Variants in CALCRL observed in about 807,000 individuals in gnomAD.
CALCRL encodes calcitonin gene-related peptide type 1 receptor.
CALCRL carries 27 observed loss-of-function variants against 60.4 expected under a neutral mutation model. That is an observed-to-expected ratio of 0.45 (90% CI 0.33 to 0.62). The LOEUF (loss-of-function observed/expected upper bound fraction) is 0.62, where lower values mean the gene tolerates loss of function less well. Among genes scored for constraint, CALCRL ranks in the 20% least tolerant of loss-of-function variants. The pLI is 0.03. For synonymous variants in CALCRL, 190 were observed against 182.6 expected (o/e 1.04, Z -0.33); for missense variants, 424 against 540.7 (o/e 0.78, Z 2.14).
At chr2:187,376,675 G>A (rs953998401) in intron 8 of CALCRL, among the ~76,000 whole-genome samples, 7 of 152,008 alleles carry the variant, frequency 4.6e-5, no homozygotes, top group Non-Finnish European at 7.4e-5. Context: ...TTAGGAAATT[G>A]GTGCAGGACT....
chr2:187,414,229 C>T (rs1339817036), intron 1 of CALCRL, among the ~76,000 whole-genome samples: 3 of 152,008 alleles, frequency 2.0e-5, no homozygotes, highest in South Asian at 4.1e-4. Flanking sequence ...CCGGAAGCTT[C>T]TGTCTATCAT....
chr2:187,417,839 CCA>C (rs1689683805), intron 1 of CALCRL, among the ~76,000 whole-genome samples: 1 of 152,042 alleles, frequency 6.6e-6, no homozygotes, highest in East Asian at 1.9e-4. Context: ...AACTATAAAA[CCA>C]CCACAGGAAA....
intron 1 of CALCRL, among the ~76,000 whole-genome samples, chr2:187,424,744 G>T (rs565886505): frequency 2.9e-4 from 44 of 151,954 alleles, no homozygotes; most frequent in African/African-American, 9.9e-4. Flanking sequence ...AATGAATTGT[G>T]GTATGGCCTG....
intron 1 of CALCRL, among the ~76,000 whole-genome samples, chr2:187,443,066 G>A (rs187301523): frequency 4.6e-5 from 7 of 151,824 alleles, no homozygotes; most frequent in Admixed American, 2.6e-4. Context: ...TAATATGCAG[G>A]TATTTTAAAG....
chr2:187,395,483 A>C (rs528625123), intron 1 of CALCRL, among the ~76,000 whole-genome samples: 1 of 152,102 alleles, frequency 6.6e-6, no homozygotes, highest in African/African-American at 2.4e-5. Context: ...CAAGGTCCCA[A>C]AATAAAAACA....
intron 1 of CALCRL, among the ~76,000 whole-genome samples, chr2:187,446,089 A>T (rs903618517): frequency 2.6e-5 from 4 of 151,802 alleles, no homozygotes; most frequent in South Asian, 4.1e-4. Flanking sequence ...CAGGTAAAAC[A>T]TATTTCAGCT....
At chr2:187,376,449 G>T (rs959216791) in intron 8 of CALCRL, among the ~76,000 whole-genome samples, 1 of 151,972 alleles carries the variant, frequency 6.6e-6, no homozygotes, top group South Asian at 2.1e-4. Flanking sequence ...TAATTTTTAT[G>T]ATATCTTGCT....
chr2:187,365,705 A>G (rs1306262384), intron 8 of CALCRL, among the ~76,000 whole-genome samples: 1 of 152,246 alleles, frequency 6.6e-6, no homozygotes, highest in Non-Finnish European at 1.5e-5. Flanking sequence ...TTTCAAAAAT[A>G]GAACTATTCT....
chr2:187,346,338 GAAAAGCTGTTTCC>G lies in CALCRL; in HGVS notation c.1219_1231del (p.Gly407ProfsTer31). The G allele has an allele frequency of 6.2e-7, 1 of 1,612,408 alleles. No individual in the cohort carries two copies. The highest frequency in any genetic ancestry group is 8.5e-7 in the Non-Finnish European group (1 of 1,179,024). ...CGCACTACGAAGAGCTTCTGAGTTG[GAAAAGCTGTTTCC>G]AAATTGGATTTTGTATTGATTCCAG... On this transcript the variant is annotated frameshift_variant, in exon 15 of 15. Transcript: ENST00000392370. LOFTEE classifies it high-confidence loss of function.
intron 12 of CALCRL, among the ~76,000 whole-genome samples, chr2:187,355,336 T>C (rs990076521): frequency 1.3e-5 from 2 of 152,074 alleles, no homozygotes; most frequent in East Asian, 3.9e-4. Flanking sequence ...AAACACAGTA[T>C]GTCACTCATG....
chr2:187,377,039 A>G (rs532168587), intron 8 of CALCRL, among the ~76,000 whole-genome samples: 21 of 152,258 alleles, frequency 1.4e-4, no homozygotes, highest in African/African-American at 4.6e-4. Flanking sequence ...TGATGCTAAA[A>G]TTTAAATCTA....
intron 1 of CALCRL, among the ~76,000 whole-genome samples, chr2:187,417,112 T>C (rs1452063957): frequency 6.6e-6 from 1 of 152,012 alleles, no homozygotes; most frequent in Admixed American, 6.6e-5. Flanking sequence ...TGTCTGAAAA[T>C]AAAGGCCATT....
chr2:187,382,784 C>G (rs1688033855), intron 5 of CALCRL, among the ~76,000 whole-genome samples: 1 of 151,876 alleles, frequency 6.6e-6, no homozygotes, highest in South Asian at 2.1e-4. Flanking sequence ...TGAAAAACAA[C>G]ACTTTTGTAT....
chr2:187,386,915 G>A (rs535929550), intron 3 of CALCRL, among the ~76,000 whole-genome samples: 1 of 152,264 alleles, frequency 6.6e-6, no homozygotes, highest in East Asian at 1.9e-4. Context: ...TCTCTTATCT[G>A]CTGCCATGAT....
rs532671356 is a variant in CALCRL, at chr2:187,440,215, G to GA, written c.-293+7823dup. ...TTAGGTTGAACTAAAATGTCCAGAC[G>GA]AAAAAAAAAAGCATGTCTGTTATAA... is the stretch of plus-strand genomic sequence containing the variant. On this transcript the variant is annotated intron_variant, in intron 1 of 14. Transcript: ENST00000392370. Among the ~76,000 whole-genome samples the GA allele has an allele frequency of 2.0e-4, 29 of 146,536 alleles. No homozygotes were observed. In the East Asian group the frequency reaches 2.0e-3, roughly 10 times the overall value.
intron 1 of CALCRL, among the ~76,000 whole-genome samples, chr2:187,437,025 T>C (rs1315353913): frequency 6.6e-6 from 1 of 152,152 alleles, no homozygotes; most frequent in Non-Finnish European, 1.5e-5. Flanking sequence ...TGTTTGGATA[T>C]ACTTTGTTCT....
chr2:187,422,955 T>C (rs879303714), intron 1 of CALCRL, among the ~76,000 whole-genome samples: 4 of 151,966 alleles, frequency 2.6e-5, no homozygotes, highest in Admixed American at 2.6e-4. Flanking sequence ...CTAGAAGATA[T>C]AAATATAGGG....
chr2:187,427,888 T>C (rs2105886830), intron 1 of CALCRL, among the ~76,000 whole-genome samples: 1 of 152,274 alleles, frequency 6.6e-6, no homozygotes, highest in East Asian at 1.9e-4. Flanking sequence ...AAAATGGTCA[T>C]TTCTACTATT....
At chr2:187,365,911 T>C (rs984476326) in intron 8 of CALCRL, among the ~76,000 whole-genome samples, 1 of 151,700 alleles carries the variant, frequency 6.6e-6, no homozygotes, top group Non-Finnish European at 1.5e-5. Context: ...AGAGTGGAGA[T>C]GGGGAGAGAT....
Sources: allele counts gnomAD v4.1 joint callset (sites outside exome capture counted in the v4.1 genomes callset), GRCh38; gene constraint gnomAD v4.1.1; transcripts MANE v1.5; gene names NCBI Gene and HGNC (gene_info 2026-07-23, HGNC 2026-07-21).